The following TNFSF8 variants were observed in gnomAD, a reference collection of about 807,000 sequenced individuals.
The protein encoded by TNFSF8 is tumor necrosis factor ligand superfamily member 8.
Under a neutral mutation model 22.0 loss-of-function variants are expected in TNFSF8, and 4 were observed. That is an observed-to-expected ratio of 0.18 (90% confidence interval 0.09 to 0.42). The LOEUF (loss-of-function observed/expected upper bound fraction) is 0.42, where lower values mean the gene tolerates loss of function less well. Ranked by LOEUF, TNFSF8 falls within the 10% of genes least tolerant of loss-of-function variation. The pLI, the probability that TNFSF8 is intolerant of heterozygous loss-of-function variation, is 1.00. For synonymous variants in TNFSF8, 106 were observed against 112.5 expected, an observed-to-expected ratio of 0.94 and a Z score of 0.37; for missense variants, 233 against 281.8, an observed-to-expected ratio of 0.83 and a Z score of 1.24.
intron 1 of TNFSF8, among the ~76,000 whole-genome samples, chr9:114,922,193 G>C (rs1232998622): frequency 6.6e-6 from 1 of 152,196 alleles, no homozygotes; most frequent in Non-Finnish European, 1.5e-5. Flanking sequence ...ACCTTGAAAG[G>C]CTTGTTTCTT....
intron 1 of TNFSF8, among the ~76,000 whole-genome samples, chr9:114,922,954 C>T (rs1235133783): frequency 6.6e-6 from 1 of 152,066 alleles, no homozygotes; most frequent in African/African-American, 2.4e-5. Context: ...GTAGCAAAGT[C>T]TTAAATACAC....
At chr9:114,896,426 G>A (rs1827655904), downstream of TNFSF8, among the ~76,000 whole-genome samples, 1 of 152,128 alleles carries the variant, frequency 6.6e-6, no homozygotes, top group Admixed American at 6.5e-5. Context: ...TGGGATTTCA[G>A]GATTCTAAGG....
chr9:114,913,201 T>C (rs557009948), intron 2 of TNFSF8, among the ~76,000 whole-genome samples: 1 of 152,098 alleles, frequency 6.6e-6, no homozygotes, highest in South Asian at 2.1e-4. Flanking sequence ...GAGGGTGGAG[T>C]TGTCAGGACC....
intron 1 of TNFSF8, among the ~76,000 whole-genome samples, chr9:114,927,738 C>T (rs1229797871): frequency 1.3e-5 from 2 of 152,148 alleles, no homozygotes; most frequent in Non-Finnish European, 2.9e-5. Context: ...TTATGGTTCT[C>T]CACCCCTGTT....
At chr9:114,926,664 A>C (rs1224218005) in intron 1 of TNFSF8, among the ~76,000 whole-genome samples, 3 of 152,170 alleles carry the variant, frequency 2.0e-5, no homozygotes, top group Non-Finnish European at 2.9e-5. Context: ...GTGTGTTGTC[A>C]AGTGAATAAA....
At chr9:114,927,811 A>G (rs1199913291) in intron 1 of TNFSF8, among the ~76,000 whole-genome samples, 1 of 152,112 alleles carries the variant, frequency 6.6e-6, no homozygotes, top group Non-Finnish European at 1.5e-5. Context: ...TGGTGATGTG[A>G]GTCTAAGCTC....
chr9:114,921,730 G>A, intron 1 of TNFSF8, among the ~76,000 whole-genome samples: 1 of 152,196 alleles, frequency 6.6e-6, no homozygotes, highest in Middle Eastern at 3.2e-3. Flanking sequence ...TCAATGACTT[G>A]GCTTTGTGTA....
downstream of TNFSF8, among the ~76,000 whole-genome samples, chr9:114,899,342 A>ATTTTTTTTTTTTT (rs137946179): frequency 5.6e-5 from 8 of 142,628 alleles, no homozygotes; most frequent in East Asian, 2.0e-4. Flanking sequence ...ACAGTAAGTT[A>ATTTTTTTTTTTTT]TTATTTTTTT....
intron 2 of TNFSF8, among the ~76,000 whole-genome samples, chr9:114,917,450 G>C (rs3789878): frequency 0.024 from 3,679 of 152,198 alleles, 232 homozygotes; most frequent in Admixed American, 0.11. Flanking sequence ...ACATTAATCA[G>C]GTCATCTGAA....
At chr9:114,907,797 C>G (rs374928112) in intron 2 of TNFSF8, among the ~76,000 whole-genome samples, 1 of 152,178 alleles carries the variant, frequency 6.6e-6, no homozygotes, top group East Asian at 1.9e-4. Flanking sequence ...ATTTAATTCT[C>G]ACAATAACAC....
At chr9:114,910,379 G>A (rs1827838250) in intron 2 of TNFSF8, among the ~76,000 whole-genome samples, 1 of 152,206 alleles carries the variant, frequency 6.6e-6, no homozygotes, top group South Asian at 2.1e-4. Flanking sequence ...AGAGATCCTA[G>A]TTTTAGGAGT....
intron 4 of TNFSF8, among the ~76,000 whole-genome samples, chr9:114,896,089 A>G (rs1233559396): frequency 6.6e-6 from 1 of 152,210 alleles, no homozygotes. Flanking sequence ...ATGAAAGTCC[A>G]CTTGGGGGAA....
intron 2 of TNFSF8, among the ~76,000 whole-genome samples, chr9:114,916,757 T>C (rs2131346593): frequency 6.6e-6 from 1 of 152,338 alleles, no homozygotes; most frequent in South Asian, 2.1e-4. Flanking sequence ...TATTTGCGTG[T>C]AGTCAGCCTG....
intron 2 of TNFSF8, among the ~76,000 whole-genome samples, chr9:114,909,174 G>C (rs1827822201): frequency 6.6e-6 from 1 of 152,176 alleles, no homozygotes; most frequent in Non-Finnish European, 1.5e-5. Flanking sequence ...ACATTTCATG[G>C]GTCATCAGCC....
chr9:114,928,947 C>G (rs1828099431), intron 1 of TNFSF8, among the ~76,000 whole-genome samples: 1 of 152,188 alleles, frequency 6.6e-6, no homozygotes, highest in South Asian at 2.1e-4. Context: ...TGAAGAAAAA[C>G]CAGAATAAAT....
Position 114,901,254 on chromosome 9 carries a change from A to G in TNFSF8, c.*2677T>C, listed in dbSNP as rs989604288. ...GCTGGTTAACCCTCAAGAGTAACAGAATTTAGTTTTAAACTTCCTGGGTTG... is the reference window on the plus strand; with the variant it reads ...GCTGGTTAACCCTCAAGAGTAACAGGATTTAGTTTTAAACTTCCTGGGTTG... On this transcript the variant is annotated 3_prime_UTR_variant, in exon 4 of 4. Coordinates refer to ENST00000223795, the MANE Select transcript of TNFSF8 (RefSeq NM_001244.4). The G allele has an allele frequency of 1.0e-6, 1 of 985,394 alleles. No homozygotes were observed. The highest frequency in any genetic ancestry group is 1.7e-5 in the African/African-American group (1 of 57,340). 61.0% of individuals were successfully genotyped at this position (985,394 alleles called of 1,614,324 possible). A position where few individuals can be genotyped will look rare whatever the true frequency, so the allele number is the denominator to read the frequency against.
chr9:114,901,735 G>C lies in TNFSF8; in HGVS notation c.*2196C>G, dbSNP rs1168488835. 6 of 985,238 alleles carry C rather than the reference G, an allele frequency of 6.1e-6. No homozygotes were observed. Among genetic ancestry groups the C allele is most frequent in the Admixed American group, 1.2e-4 (2 of 16,254 alleles). 61.0% of individuals were successfully genotyped at this position (985,238 alleles called of 1,614,324 possible). A position where few individuals can be genotyped will look rare whatever the true frequency, so the allele number is the denominator to read the frequency against. On this transcript the variant is annotated 3_prime_UTR_variant, in exon 4 of 4. Coordinates refer to ENST00000223795, the MANE Select transcript of TNFSF8 (RefSeq NM_001244.4). ...GAATTCAACACCTCTTCCAATGCCTGCTTCTCCCAAAGAATCTACTCACAG... is the reference window on the plus strand; with the variant it reads ...GAATTCAACACCTCTTCCAATGCCTCCTTCTCCCAAAGAATCTACTCACAG...
At chr9:114,906,918 G>A (rs1357733117) in intron 2 of TNFSF8, among the ~76,000 whole-genome samples, 1 of 152,136 alleles carries the variant, frequency 6.6e-6, no homozygotes, top group Non-Finnish European at 1.5e-5. Flanking sequence ...GACCTGACAT[G>A]GACATCTTCT....
intron 1 of TNFSF8, among the ~76,000 whole-genome samples, chr9:114,922,035 TA>T (rs1827995232): frequency 6.6e-6 from 1 of 152,114 alleles, no homozygotes; most frequent in Non-Finnish European, 1.5e-5. Flanking sequence ...TCTTCTCCTT[TA>T]ATCAGTGGTT....
Sources: allele counts gnomAD v4.1 joint callset (sites outside exome capture counted in the v4.1 genomes callset), GRCh38; gene constraint gnomAD v4.1.1; transcripts MANE v1.5; gene names NCBI Gene and HGNC (gene_info 2026-07-23, HGNC 2026-07-21).